STAC: variants seen among roughly 807,000 people sequenced by gnomAD.
STAC encodes SH3 and cysteine rich domain.
STAC carries 43 observed loss-of-function variants against 48.8 expected under a neutral mutation model. The ratio of observed to expected loss-of-function variants is 0.88; its 90% CI spans 0.69 to 1.14. STAC has a LOEUF of 1.14. Ranked by LOEUF, STAC falls within the 50% of genes most tolerant of loss-of-function variation. The probability of loss-of-function intolerance (pLI) is 0.00; values close to 1 mark genes in which losing one functional copy is unlikely to be tolerated. For missense variants in STAC, 497 were observed against 504.0 expected, an observed-to-expected ratio of 0.99 and a Z score of 0.13; for synonymous variants, 193 against 179.5, an observed-to-expected ratio of 1.07 and a Z score of -0.60.
At chr3:36,492,024 AAAAAAAAAT>A (rs1697986087) in intron 5 of STAC, among the ~76,000 whole-genome samples, 1 of 41,372 alleles carries the variant, frequency 2.4e-5, no homozygotes, top group African/African-American at 7.2e-5. Context: ...AAAAAAAAAA[AAAAAAAAAT>A]ATATATATAT....
chr3:36,454,344 T>A (rs1216820546), intron 2 of STAC, among the ~76,000 whole-genome samples: 2 of 149,966 alleles, frequency 1.3e-5, no homozygotes, highest in African/African-American at 4.9e-5. Context: ...CCTTAAGAGC[T>A]GTAACACTCA....
chr3:36,402,371 AGG>A (rs1700014333), intron 1 of STAC, among the ~76,000 whole-genome samples: 1 of 152,134 alleles, frequency 6.6e-6, no homozygotes, highest in Middle Eastern at 3.4e-3. Context: ...GTGAGGAAGA[AGG>A]AAGGTGAGCA....
Position 36,493,229 on chromosome 3 carries a change from G to C in STAC, c.766G>C (p.Val256Leu). ...TGACCTAAGGAAACGCAGCAACAGC[G>C]GTGAGTGAGGGAGTTGGCACAGCAC... ...GYDLRKRSNS[V>L]FTYPENGTDD... The change falls in exon 6 of 11, where the codon GTG (valine) becomes CTG (leucine). Residue 256 changes from valine (V) to leucine (L), a missense_variant and splice_region_variant. Coordinates refer to ENST00000273183, the MANE Select transcript of STAC (RefSeq NM_003149.3). 1.2e-6 allele frequency: 2 copies of C among 1,612,908 alleles called. No homozygotes were observed. The highest frequency in any genetic ancestry group is 1.7e-6 in the Non-Finnish European group (2 of 1,179,224).
chr3:36,444,959 T>G (rs1393551544), intron 2 of STAC, among the ~76,000 whole-genome samples: 2 of 152,216 alleles, frequency 1.3e-5, no homozygotes, highest in Non-Finnish European at 2.9e-5. Flanking sequence ...AGCCTCTAAC[T>G]TAGTTTCTGT....
intron 8 of STAC, among the ~76,000 whole-genome samples, chr3:36,519,544 C>A (rs1165769042): frequency 6.6e-6 from 1 of 152,200 alleles, no homozygotes; most frequent in Admixed American, 6.5e-5. Context: ...TTTTAATCAG[C>A]AAGAGTAGGT....
chr3:36,427,037 C>G (rs1485550143), intron 1 of STAC, among the ~76,000 whole-genome samples: 2 of 152,236 alleles, frequency 1.3e-5, no homozygotes, highest in Non-Finnish European at 2.9e-5. Flanking sequence ...AACACCCCAG[C>G]TAAGGCCTAA....
rs1559477563 is a variant in STAC, at chr3:36,398,659, AGGAAGGAAGGAAG to A, written c.111+17907_111+17919del. On this transcript the variant is annotated intron_variant, in intron 1 of 10. Coordinates refer to ENST00000273183, the MANE Select transcript of STAC (RefSeq NM_003149.3). ...GAAAGAAAGAAAGAAAGAGAAAGAA[AGGAAGGAAGGAAG>A]GAAAGAAAGAAAGAAAGAAAAGAAA... Among the ~76,000 whole-genome samples the A allele has an allele frequency of 5.3e-4, 76 of 142,620 alleles. 6 individuals carry two copies. Among genetic ancestry groups the A allele is most frequent in the Non-Finnish European group, 8.0e-4 (52 of 64,940 alleles). The allele number at this position is 142,620 out of a possible 152,430, so 93.6% of individuals were successfully genotyped here.
At chr3:36,427,821 C>T (rs942202961) in intron 1 of STAC, among the ~76,000 whole-genome samples, 13 of 151,904 alleles carry the variant, frequency 8.6e-5, no homozygotes, top group Non-Finnish European at 1.9e-4. Flanking sequence ...AATCATATAC[C>T]TCCTAATAAT....
chr3:36,443,427 A>C lies in STAC; in HGVS notation c.175A>C (p.Asn59His). 6.2e-7 allele frequency: 1 copy of C among 1,614,220 alleles called. No homozygotes were observed. The highest frequency in any genetic ancestry group is 8.5e-7 in the Non-Finnish European group (1 of 1,180,040). The change falls in exon 2 of 11, where the codon AAC (asparagine) becomes CAC (histidine). Residue 59 changes from asparagine to histidine, a missense_variant. Coordinates refer to ENST00000273183, the MANE Select transcript of STAC (RefSeq NM_003149.3). The surrounding 1 kb of genome is among the most constrained non-coding windows in gnomAD (Gnocchi z 4.2). ...TKSLRSKSAD[N>H]FFQRTNSEDM... ...GAGTTTACGGAGCAAAAGTGCTGAC[A>C]ACTTCTTCCAGCGAACCAACAGCGA...
intron 8 of STAC, among the ~76,000 whole-genome samples, chr3:36,516,280 C>A (rs1234575824): frequency 1.3e-5 from 2 of 152,046 alleles, no homozygotes; most frequent in Admixed American, 1.3e-4. Flanking sequence ...CCGTGCCCAG[C>A]CCTCATATTT....
chr3:36,423,838 T>C (rs558179297), intron 1 of STAC, among the ~76,000 whole-genome samples: 4 of 152,320 alleles, frequency 2.6e-5, no homozygotes, highest in Non-Finnish European at 5.9e-5. Context: ...CGAGCTCTTT[T>C]CCTGTCTTAG....
chr3:36,405,674 C>T (rs1700075007), intron 1 of STAC, among the ~76,000 whole-genome samples: 1 of 152,202 alleles, frequency 6.6e-6, no homozygotes. Flanking sequence ...ACTACTGAAT[C>T]CATCATGTGT....
At chr3:36,393,950 G>T (rs1436193228) in intron 1 of STAC, among the ~76,000 whole-genome samples, 1 of 152,100 alleles carries the variant, frequency 6.6e-6, no homozygotes, top group South Asian at 2.1e-4. Flanking sequence ...TGAGTTGTGT[G>T]AAGATCTAGG....
At chr3:36,414,598 A>T (rs1157766292) in intron 1 of STAC, among the ~76,000 whole-genome samples, 1 of 152,024 alleles carries the variant, frequency 6.6e-6, no homozygotes, top group Non-Finnish European at 1.5e-5. Context: ...CAAGGTTTTT[A>T]ACTTCTTTGC....
chr3:36,500,971 T>C (rs1698269027), intron 6 of STAC, among the ~76,000 whole-genome samples: 1 of 152,020 alleles, frequency 6.6e-6, no homozygotes, highest in Non-Finnish European at 1.5e-5. Flanking sequence ...CATATGTCTA[T>C]AGTCCAGCTA....
chr3:36,453,178 TGCTGGCA>T (rs1262221888), intron 2 of STAC, among the ~76,000 whole-genome samples: 1 of 152,262 alleles, frequency 6.6e-6, no homozygotes, highest in African/African-American at 2.4e-5. Context: ...GGTGACAGCG[TGCTGGCA>T]GTCCTCACAG....
chr3:36,476,741 A>G (rs1187322964), intron 2 of STAC, among the ~76,000 whole-genome samples: 2 of 152,156 alleles, frequency 1.3e-5, no homozygotes, highest in Non-Finnish European at 2.9e-5. Flanking sequence ...CATCATTATT[A>G]CTGTTTGCAT....
intron 1 of STAC, among the ~76,000 whole-genome samples, chr3:36,418,287 A>G (rs61547650): frequency 0.023 from 3,533 of 152,288 alleles, 60 homozygotes; most frequent in East Asian, 0.026. Context: ...AAATACAACT[A>G]TGATTGTATC....
intron 8 of STAC, chr3:36,506,131 A>G (rs1698397487): frequency 4.6e-6 from 1 of 215,972 alleles, no homozygotes; most frequent in African/African-American, 2.3e-5. Context: ...TACATGCTCA[A>G]CAGAACTGCT....
Sources: allele counts gnomAD v4.1 joint callset (sites outside exome capture counted in the v4.1 genomes callset), GRCh38; gene constraint gnomAD v4.1.1; non-coding constraint Gnocchi (gnomAD v3.1); transcripts MANE v1.5; gene names NCBI Gene and HGNC (gene_info 2026-07-23, HGNC 2026-07-21).